The following PTPRD variants were observed in gnomAD, a reference collection of about 807,000 sequenced individuals.
The protein encoded by PTPRD is protein tyrosine phosphatase receptor type D, also known as receptor-type tyrosine-protein phosphatase delta.
In PTPRD, 34 loss-of-function variants were observed where a neutral mutation model predicts 214.5. The observed-to-expected ratio is 0.16, with a 90% CI of 0.12 to 0.21. The LOEUF is 0.21. Among genes scored for constraint, PTPRD ranks in the 10% least tolerant of loss-of-function variants. The pLI is 1.00. For missense variants in PTPRD, 2,545 were observed against 2,398.7 expected (o/e 1.06, Z -1.27); for synonymous variants, 1,128 against 845.7 (o/e 1.33, Z -5.79).
chr9:8,490,598 T>C (rs1410233848), intron 27 of PTPRD, among the ~76,000 whole-genome samples: 1 of 152,202 alleles, frequency 6.6e-6, no homozygotes, highest in Non-Finnish European at 1.5e-5. Flanking sequence ...TGTTTGCCTT[T>C]AACCTCAAGA....
chr9:9,685,275 T>C (rs552752744), intron 7 of PTPRD, among the ~76,000 whole-genome samples: 1 of 150,732 alleles, frequency 6.6e-6, no homozygotes, highest in East Asian at 1.9e-4. Flanking sequence ...ATTATATATA[T>C]ATATGTATCC....
intron 3 of PTPRD, among the ~76,000 whole-genome samples, chr9:10,130,854 G>A (rs1353107239): frequency 1.3e-5 from 2 of 152,124 alleles, no homozygotes; most frequent in East Asian, 3.9e-4. Flanking sequence ...GGAAATTGAA[G>A]TGACCTGGGA....
chr9:9,873,554 A>C (rs546082618), intron 5 of PTPRD, among the ~76,000 whole-genome samples: 90 of 152,218 alleles, frequency 5.9e-4, no homozygotes, highest in African/African-American at 2.1e-3. Flanking sequence ...GGAGGAGGGC[A>C]CAGAATTTGT....
chr9:9,138,107 A>T (rs10118349), intron 10 of PTPRD, among the ~76,000 whole-genome samples: 2 of 152,092 alleles, frequency 1.3e-5, no homozygotes, highest in African/African-American at 2.4e-5. Context: ...ACCAGAGCAG[A>T]TGAATAATAC....
chr9:8,933,339 G>GTTTTTTTTTT (rs1567089304), intron 11 of PTPRD, among the ~76,000 whole-genome samples: 1 of 68,828 alleles, frequency 1.5e-5, no homozygotes, highest in Admixed American at 1.6e-4. Flanking sequence ...ACAACCTTGA[G>GTTTTTTTTTT]GTTTTTTTTT....
At chr9:9,307,261 T>C (rs1957431397) in intron 9 of PTPRD, among the ~76,000 whole-genome samples, 1 of 152,144 alleles carries the variant, frequency 6.6e-6, no homozygotes, top group Non-Finnish European at 1.5e-5. Flanking sequence ...TCCACTTGAG[T>C]AGCTCACACT....
At chr9:8,663,096 T>C (rs1432427337) in intron 12 of PTPRD, among the ~76,000 whole-genome samples, 1 of 152,154 alleles carries the variant, frequency 6.6e-6, no homozygotes, top group Non-Finnish European at 1.5e-5. Flanking sequence ...TTTTATCAAA[T>C]AAAAACTATT....
chr9:8,960,903 T>A (rs75050230), intron 11 of PTPRD, among the ~76,000 whole-genome samples: 388 of 152,256 alleles, frequency 2.5e-3, no homozygotes, highest in Non-Finnish European at 4.3e-3. Flanking sequence ...CTATATGAAA[T>A]CATTAATAAA....
At chr9:8,860,133 A>G (rs1476037138) in intron 11 of PTPRD, 3 of 152,226 alleles carry the variant, frequency 2.0e-5, no homozygotes, top group African/African-American at 7.2e-5. Flanking sequence ...CCAAAGTTGC[A>G]TGTTAGAGAA....
intron 9 of PTPRD, among the ~76,000 whole-genome samples, chr9:9,208,259 CCG>C (rs1393219772): frequency 1.3e-5 from 2 of 151,554 alleles, no homozygotes; most frequent in African/African-American, 4.8e-5. Context: ...TCTGATCTGC[CCG>C]CCTCGGCCTC....
At chr9:8,758,013 G>A (rs575766806) in intron 11 of PTPRD, among the ~76,000 whole-genome samples, 16 of 152,246 alleles carry the variant, frequency 1.1e-4, no homozygotes, top group Admixed American at 6.5e-4. Context: ...TTTCAAGAAG[G>A]CTCTGGAGAC....
chr9:10,132,609 T>C (rs1206956183), intron 3 of PTPRD, among the ~76,000 whole-genome samples: 2 of 152,210 alleles, frequency 1.3e-5, no homozygotes, highest in Non-Finnish European at 2.9e-5. Flanking sequence ...ACCATAAGGA[T>C]AGCTCTGCTA....
At chr9:9,542,107 A>G (rs2077721242) in intron 8 of PTPRD, among the ~76,000 whole-genome samples, 1 of 151,804 alleles carries the variant, frequency 6.6e-6, no homozygotes, top group South Asian at 2.1e-4. Flanking sequence ...TACTCTAATC[A>G]AGAAAAAGGA....
chr9:9,089,488 C>T (rs892404809), intron 10 of PTPRD, among the ~76,000 whole-genome samples: 2 of 152,144 alleles, frequency 1.3e-5, no homozygotes, highest in Non-Finnish European at 2.9e-5. Context: ...CAAAGTTTTT[C>T]ATTCATGAGT....
chr9:10,256,420 G>C (rs1216317151), intron 3 of PTPRD, among the ~76,000 whole-genome samples: 2 of 149,996 alleles, frequency 1.3e-5, no homozygotes, highest in African/African-American at 5.0e-5. Flanking sequence ...ATAAGTAGGA[G>C]TACACTCTAA....
chr9:10,257,593 T>G (rs1455977718), intron 3 of PTPRD, among the ~76,000 whole-genome samples: 4 of 152,198 alleles, frequency 2.6e-5, no homozygotes, highest in Non-Finnish European at 2.9e-5. Context: ...TCAAAATGAT[T>G]TATATGGTGC....
At chr9:8,833,715 T>TATAC (rs1241369022) in intron 11 of PTPRD, among the ~76,000 whole-genome samples, 27 of 133,716 alleles carry the variant, frequency 2.0e-4, no homozygotes, top group Admixed American at 4.6e-4. Context: ...TATATATATA[T>TATAC]ACACACACAC....
intron 35 of PTPRD, among the ~76,000 whole-genome samples, chr9:8,430,451 T>G (rs1022546436): frequency 6.6e-5 from 10 of 151,010 alleles, no homozygotes; most frequent in African/African-American, 1.7e-4. Context: ...TTTTTTTTTT[T>G]GTAGTTTTGC....
chr9:9,824,138 C>T (rs1407166316), intron 5 of PTPRD, among the ~76,000 whole-genome samples: 2 of 151,666 alleles, frequency 1.3e-5, no homozygotes, highest in Non-Finnish European at 2.9e-5. Flanking sequence ...TTTGTTTAGA[C>T]CTGGACCCTT....
Sources: gnomAD v4.1 joint callset for allele counts (sites outside exome capture counted in the v4.1 genomes callset) on GRCh38, gnomAD v4.1.1 for gene constraint, MANE v1.5 for transcripts, NCBI Gene and HGNC (gene_info 2026-07-23, HGNC 2026-07-21) for gene names.